ASIC2: variants seen among roughly 807,000 people sequenced by gnomAD.
ASIC2 encodes the protein acid sensing ion channel subunit 2.
ASIC2 carries 25 observed loss-of-function variants against 57.3 expected under a neutral mutation model. The ratio of observed to expected loss-of-function variants is 0.44; its 90% CI spans 0.32 to 0.61. ASIC2 has a LOEUF of 0.61. Among genes scored for constraint, ASIC2 ranks in the 20% least tolerant of loss-of-function variants. The pLI is 0.06. For synonymous variants in ASIC2, 319 were observed against 307.5 expected, an observed-to-expected ratio of 1.04 and a Z score of -0.39; for missense variants, 641 against 738.1, an observed-to-expected ratio of 0.87 and a Z score of 1.52.
chr17:33,207,905 T>G (rs1907127888), intron 1 of ASIC2, among the ~76,000 whole-genome samples: 1 of 152,256 alleles, frequency 6.6e-6, no homozygotes, highest in African/African-American at 2.4e-5. Flanking sequence ...TGATTAATAA[T>G]GTACCTGGTT....
At chr17:33,516,593 T>G (rs1450199771) in intron 1 of ASIC2, among the ~76,000 whole-genome samples, 1 of 152,230 alleles carries the variant, frequency 6.6e-6, no homozygotes, top group Non-Finnish European at 1.5e-5. Flanking sequence ...GGGAATTTTA[T>G]TAGTGCTATT....
At chr17:33,294,767 G>T (rs1047578515), upstream of ASIC2, among the ~76,000 whole-genome samples, 1 of 152,000 alleles carries the variant, frequency 6.6e-6, no homozygotes, top group Admixed American at 6.6e-5. Context: ...ACACACACCT[G>T]GAAACCCTTC....
At chr17:33,803,981 T>A (rs1912203921) in intron 1 of ASIC2, among the ~76,000 whole-genome samples, 1 of 152,210 alleles carries the variant, frequency 6.6e-6, no homozygotes, top group African/African-American at 2.4e-5. Context: ...CAAGTATTTG[T>A]GTGCAAGTGA....
At position 33,879,897 on chromosome 17, in the gene ASIC2, C is replaced by T. The variant is rs1439665438; in HGVS notation, c.555+276081G>A. Among the ~76,000 whole-genome samples the T allele has an allele frequency of 1.9e-4, 29 of 152,166 alleles. 1 individual carries two copies. Among genetic ancestry groups the T allele is most frequent in the Admixed American group, 1.9e-3 (29 of 15,282 alleles). ...AAATGTAAAACAACAGAAATTGTAA[C>T]AAACTGTCTCTCAGACCACAGTGCA... On this transcript the variant is annotated intron_variant, in intron 1 of 9. Coordinates refer to the ASIC2 transcript ENST00000359872.
rs191200096 is a variant in ASIC2 at position 34,055,769 on chromosome 17, A to G, written c.555+100209T>C. On this transcript the variant is annotated intron_variant, in intron 1 of 9. Transcript: ENST00000359872. ...TAAATATACAATATGTTTGTCAATT[A>G]ACTTGCTGATGGACATTTGGATTGT... is the stretch of plus-strand genomic sequence containing the variant. 1.6e-3 allele frequency among the ~76,000 whole-genome samples: 238 copies of G among 152,368 alleles called. 1 individual carries two copies. Among genetic ancestry groups the G allele is most frequent in the Admixed American group, 3.3e-3 (51 of 15,304 alleles).
intron 1 of ASIC2, among the ~76,000 whole-genome samples, chr17:33,538,414 A>G (rs547267507): frequency 6.6e-6 from 1 of 152,110 alleles, no homozygotes; most frequent in Non-Finnish European, 1.5e-5. Flanking sequence ...GGGATCCCCA[A>G]TTTGTTCTCT....
intron 1 of ASIC2, among the ~76,000 whole-genome samples, chr17:33,506,699 T>G (rs1914274458): frequency 6.6e-6 from 1 of 152,256 alleles, no homozygotes; most frequent in Non-Finnish European, 1.5e-5. Context: ...TCTGCTACTT[T>G]GCACCCATGT....
At chr17:33,831,104 G>C in intron 1 of ASIC2, among the ~76,000 whole-genome samples, 1 of 43,188 alleles carries the variant, frequency 2.3e-5, no homozygotes, top group Non-Finnish European at 3.8e-5. Context: ...GTAAGGCTCT[G>C]TCAAAAAAAA....
At chr17:33,061,598 A>C (rs892620647) in intron 3 of ASIC2, among the ~76,000 whole-genome samples, 4 of 152,186 alleles carry the variant, frequency 2.6e-5, no homozygotes, top group African/African-American at 9.6e-5. Context: ...ATCGATGTTC[A>C]TCAGGGATAT....
chr17:33,829,029 T>C (rs1913025959), intron 1 of ASIC2, among the ~76,000 whole-genome samples: 1 of 152,214 alleles, frequency 6.6e-6, no homozygotes, highest in Non-Finnish European at 1.5e-5. Context: ...CCCTGAGATG[T>C]GTGTGGTTTA....
intron 1 of ASIC2, among the ~76,000 whole-genome samples, chr17:34,125,936 T>A (rs1351153430): frequency 2.6e-5 from 4 of 151,928 alleles, no homozygotes; most frequent in Non-Finnish European, 5.9e-5. Context: ...ATGCCCCCCA[T>A]CCACGTCACT....
chr17:33,617,052 G>A (rs544418528), intron 1 of ASIC2, among the ~76,000 whole-genome samples: 1 of 152,198 alleles, frequency 6.6e-6, no homozygotes, highest in African/African-American at 2.4e-5. Flanking sequence ...AGAGGCTTTT[G>A]TTTCCTAACC....
intron 1 of ASIC2, among the ~76,000 whole-genome samples, chr17:33,785,643 G>C (rs1250606497): frequency 6.6e-6 from 1 of 152,092 alleles, no homozygotes; most frequent in Non-Finnish European, 1.5e-5. Flanking sequence ...CACAGATGTG[G>C]GTTCTAGTCA....
chr17:33,920,397 T>C (rs987316381), intron 1 of ASIC2, among the ~76,000 whole-genome samples: 1 of 152,192 alleles, frequency 6.6e-6, no homozygotes, highest in Non-Finnish European at 1.5e-5. Flanking sequence ...TGGAGTCATG[T>C]CCTTTGCAGC....
intron 1 of ASIC2, among the ~76,000 whole-genome samples, chr17:33,745,660 GA>G (rs993215442): frequency 9.5e-4 from 140 of 146,920 alleles, no homozygotes; most frequent in Middle Eastern, 3.5e-3. Flanking sequence ...GCAGAAAAAA[GA>G]AAAAAAAAAT....
intron 1 of ASIC2, among the ~76,000 whole-genome samples, chr17:33,518,306 C>T (rs767045676): frequency 2.0e-5 from 3 of 152,300 alleles, no homozygotes; most frequent in South Asian, 2.1e-4. Flanking sequence ...AATGGAAGTG[C>T]GGGCGAAGGA....
chr17:33,959,385 T>C (rs1380338952), intron 1 of ASIC2, among the ~76,000 whole-genome samples: 6 of 152,164 alleles, frequency 3.9e-5, no homozygotes, highest in Non-Finnish European at 5.9e-5. Context: ...GATGTATATA[T>C]GAAGGAGAGT....
intron 1 of ASIC2, among the ~76,000 whole-genome samples, chr17:33,570,967 G>A (rs774906594): frequency 3.3e-5 from 5 of 152,202 alleles, no homozygotes; most frequent in Non-Finnish European, 7.3e-5. Flanking sequence ...GTCAAAGCAA[G>A]TCACAAGGCC....
At chr17:33,106,338 C>T (rs1395874542) in intron 2 of ASIC2, among the ~76,000 whole-genome samples, 1 of 152,046 alleles carries the variant, frequency 6.6e-6, no homozygotes, top group Non-Finnish European at 1.5e-5. Flanking sequence ...ATCATGTTAA[C>T]ACTAATTAAC....
Sources: gnomAD v4.1 joint callset for allele counts (sites outside exome capture counted in the v4.1 genomes callset) on GRCh38, gnomAD v4.1.1 for gene constraint, MANE v1.5 for transcripts, NCBI Gene and HGNC (gene_info 2026-07-23, HGNC 2026-07-21) for gene names.